C5orf15: variants seen among roughly 807,000 people sequenced by gnomAD.
C5orf15 encodes chromosome 5 open reading frame 15.
Under a neutral mutation model 17.8 loss-of-function variants are expected in C5orf15, and 10 were observed. The observed-to-expected ratio is 0.56, with a 90% CI of 0.35 to 0.95. C5orf15 has a LOEUF of 0.95. Ranked by LOEUF, C5orf15 falls within the 40% of genes least tolerant of loss-of-function variation. C5orf15 has a pLI of 0.02. For missense variants in C5orf15, 319 were observed against 331.7 expected (o/e 0.96, Z 0.30); for synonymous variants, 124 against 131.0 (o/e 0.95, Z 0.36).
In C5orf15 at chr5:133,962,036, T is replaced by C. The variant is rs187083266; in HGVS notation, c.140-2016A>G. ...TTTTGCATTTATCACTTCAACTTAG[T>C]TATAATTCAAGAATTTAAAAATTAT... On this transcript the variant is annotated intron_variant, in intron 1 of 2. Transcript: ENST00000231512. 2.2e-3 allele frequency among the ~76,000 whole-genome samples: 339 copies of C among 152,320 alleles called. 1 individual carries two copies. The highest frequency in any genetic ancestry group is 3.3e-3 in the Non-Finnish European group (223 of 68,038).
chr5:133,968,409 C>A, intron 1 of C5orf15, 37 bp downstream of exon 1: 1 of 1,592,960 alleles, frequency 6.3e-7, no homozygotes, highest in East Asian at 2.3e-5. Flanking sequence ...CCGAGCCCTC[C>A]TAGCCTTCCT....
Position 133,956,789 on chromosome 5 carries a change from A to C in C5orf15, c.*70T>G. The C allele has an allele frequency of 1.3e-6, 2 of 1,486,814 alleles. No individual in the cohort carries two copies. The allele number at this position is 1,486,814 out of a possible 1,614,324, so 92.1% of individuals were successfully genotyped here. Reference sequence around the variant, plus strand: ...ATTTAAGTACCAATTGCCTATGGCAAACATTTGCACAATATCATATAAAAA... The same window carrying C: ...ATTTAAGTACCAATTGCCTATGGCACACATTTGCACAATATCATATAAAAA... On this transcript the variant is annotated 3_prime_UTR_variant, in exon 3 of 3. Transcript: ENST00000231512.
At chr5:133,957,782 A>T (rs973657301) in intron 2 of C5orf15, among the ~76,000 whole-genome samples, 21 of 152,252 alleles carry the variant, frequency 1.4e-4, no homozygotes, top group African/African-American at 5.1e-4. Flanking sequence ...AGGTAAGGAA[A>T]TCAAGGCCCC....
rs757862773 is a variant in C5orf15 at position 133,959,853 on chromosome 5, C to A, written c.307G>T (p.Val103Phe). The A allele has an allele frequency of 7.4e-6, 12 of 1,614,048 alleles. No homozygotes were observed. In the South Asian group the frequency reaches 1.3e-4, roughly 18 times the overall value. ...AGAGGAGTAGGCGAGGGATGAGGGA[C>A]CACAGATGCTCCTCCACTTTTCTTG... ...STKKSGGASV[V>F]PHPSPTPLSQ... Residue 103 changes from valine to phenylalanine, a missense_variant, in exon 2 of 3, where the codon GTC (valine) becomes TTC (phenylalanine). Val to Phe is a conservative substitution (Grantham distance 50). Transcript: ENST00000231512.
chr5:133,964,172 G>C (rs10078428), intron 1 of C5orf15, among the ~76,000 whole-genome samples: 11 of 152,104 alleles, frequency 7.2e-5, no homozygotes, highest in Non-Finnish European at 1.6e-4. Flanking sequence ...AGCCGAGATC[G>C]TGCCATTGCA....
At position 133,956,664 on chromosome 5, in the gene C5orf15, C is replaced by G. The variant is rs1752045994; in HGVS notation, c.*195G>C. The G allele has an allele frequency of 2.6e-6, 1 of 386,344 alleles. No individual in the cohort carries two copies. Among genetic ancestry groups the G allele is most frequent in the Non-Finnish European group, 4.5e-6 (1 of 222,882 alleles). 23.9% of individuals were successfully genotyped at this position (386,344 alleles called of 1,614,324 possible). ...TAATGTTTAACTCACATTTTGGACA[C>G]CTGATTAAACTCAGCTCTAAAAGTA... On this transcript the variant is annotated 3_prime_UTR_variant, in exon 3 of 3. Transcript: ENST00000231512.
chr5:133,963,862 G>C (rs754695013), intron 1 of C5orf15, among the ~76,000 whole-genome samples: 5 of 152,076 alleles, frequency 3.3e-5, no homozygotes, highest in Non-Finnish European at 5.9e-5. Flanking sequence ...AAACAATCAG[G>C]CATCCTTCAA....
Position 133,959,532 on chromosome 5 carries a change from T to C in C5orf15, c.628A>G (p.Ile210Val). The change falls in exon 2 of 3, where the codon ATT becomes GTT. Residue 210 changes from isoleucine to valine, a missense_variant. Around this residue, in one of 3 missense-constraint regions of C5orf15, gnomAD observed 175 missense variants for 192.4 expected, o/e 0.91. Transcript: ENST00000231512. ...TGATATGTAATGTAAACAACAGCAA[T>C]GCAAAAAGCAAAAATAATAAGATGA... ...FFHLIIFAFC[I>V]AVVYITYHNK... is the part of the protein sequence containing the mutation. The C allele has an allele frequency of 6.3e-7, 1 of 1,588,400 alleles. No homozygotes were observed. The highest frequency in any genetic ancestry group is 8.6e-7 in the Non-Finnish European group (1 of 1,169,438).
At chr5:133,960,502 C>T (rs1413936618) in intron 1 of C5orf15, among the ~76,000 whole-genome samples, 3 of 152,042 alleles carry the variant, frequency 2.0e-5, no homozygotes, top group Non-Finnish European at 4.4e-5. Context: ...CACAACATAA[C>T]AAATTCAGGG....
Position 133,968,575 on chromosome 5 carries a change from C to T in C5orf15, c.10G>A (p.Ala4Thr), listed in dbSNP as rs367763605. The T allele has an allele frequency of 3.7e-5, 60 of 1,609,274 alleles. No homozygotes were observed. The East Asian group carries it at 5.6e-4, about 15-fold the overall frequency. ...GGCCCCCTCATCCTCTTCGGGACGG[C>T]AGCGGCCATAACGGACTCGGCTGGG... Reference protein sequence around the residue: MAAAVPKRMRGPAQ... With the variant: MAATVPKRMRGPAQ... Residue 4 changes from alanine to threonine, a missense_variant, in exon 1 of 3, where the codon GCC (alanine) becomes ACC (threonine). Physicochemically the swap from Ala to Thr is moderately conservative, Grantham distance 58 (BLOSUM62 0). Around this residue, in one of 3 missense-constraint regions of C5orf15, gnomAD observed 127 missense variants for 95.6 expected, o/e 1.33. Transcript: ENST00000231512.
chr5:133,959,605 A>G lies in C5orf15; in HGVS notation c.555T>C (p.Phe185=). 1 of 1,612,484 alleles carries G rather than the reference A, an allele frequency of 6.2e-7. No homozygotes were observed. The highest frequency in any genetic ancestry group is 1.1e-5 in the South Asian group (1 of 90,548). ...YMEIEQSVKS[F]KMPSSNIEEE... ...CTTCTATATTTGAGGATGGCATCTT[A>G]AAAGATTTCACTGACTGTTCAATTT... The change falls in exon 2 of 3, where the codon TTT becomes TTC. Residue 185 remains phenylalanine, a synonymous_variant. Transcript: ENST00000231512.
rs200947594 is a variant in C5orf15 at position 133,968,569 on chromosome 5, G to A, written c.16C>T (p.Pro6Ser). 20 of 1,609,254 alleles carry A rather than the reference G, an allele frequency of 1.2e-5. No homozygotes were observed. Among genetic ancestry groups the A allele is most frequent in the Non-Finnish European group, 1.6e-5 (19 of 1,178,462 alleles). MAAAV[P>S]KRMRGPAQAK... ...TGTGCTGGCCCCCTCATCCTCTTCG[G>A]GACGGCAGCGGCCATAACGGACTCG... The change falls in exon 1 of 3, where the codon CCG becomes TCG. Residue 6 changes from proline to serine, a missense_variant. By Grantham distance (74) the Pro-to-Ser change is moderately conservative (BLOSUM62 -1). This residue lies in a region of C5orf15 where 127 missense variants were observed against 95.6 expected (regional missense o/e 1.33). Coordinates refer to ENST00000231512, the MANE Select transcript of C5orf15 (RefSeq NM_020199.3).
At chr5:133,957,129 C>T in intron 2 of C5orf15, 139 bp from the exon 3 acceptor site, 1 of 704,274 alleles carries the variant, frequency 1.4e-6, no homozygotes, top group Non-Finnish European at 2.3e-6. Flanking sequence ...CTATTTTAGG[C>T]CGAGGCAGGC....
At chr5:133,964,503 T>C (rs1752168308) in intron 1 of C5orf15, among the ~76,000 whole-genome samples, 1 of 152,168 alleles carries the variant, frequency 6.6e-6, no homozygotes. Flanking sequence ...TGTACCAATG[T>C]TAATATCCTG....
chr5:133,964,006 CAGG>C (rs1752159761), intron 1 of C5orf15, among the ~76,000 whole-genome samples: 1 of 152,178 alleles, frequency 6.6e-6, no homozygotes, highest in African/African-American at 2.4e-5. Flanking sequence ...ATCACAAGGT[CAGG>C]AGTTCGAGAC....
Position 133,959,670 on chromosome 5 carries a change from C to T in C5orf15, c.490G>A (p.Glu164Lys), listed in dbSNP as rs775456361. The change falls in exon 2 of 3, where the codon GAG becomes AAG. Residue 164 changes from glutamate to lysine, a missense_variant. By Grantham distance (56) the Glu-to-Lys change is moderately conservative (BLOSUM62 1). Around this residue, in one of 3 missense-constraint regions of C5orf15, gnomAD observed 175 missense variants for 192.4 expected, o/e 0.91. Transcript: ENST00000231512. ...DWTTGPRDDD[E>K]SDDTLEENRG... ...TTTTCTTCCAAGGTGTCATCAGACT[C>T]GTCGTCGTCCCTGGGGCCCGTGGTC... 3.7e-6 allele frequency: 6 copies of T among 1,613,264 alleles called. No individual in the cohort carries two copies. Among genetic ancestry groups the T allele is most frequent in the African/African-American group, 1.3e-5 (1 of 74,854 alleles).
In C5orf15 at chr5:133,961,232, T is replaced by TG. The variant is rs1450707193; in HGVS notation, c.140-1213_140-1212insC. Among the ~76,000 whole-genome samples the TG allele has an allele frequency of 3.6e-4, 11 of 30,438 alleles. No individual in the cohort carries two copies. The Admixed American group carries it at 5.4e-3, about 15-fold the overall frequency. The allele number at this position is 30,438 out of a possible 152,430, so 20.0% of individuals were successfully genotyped here. On this transcript the variant is annotated intron_variant, in intron 1 of 2. Transcript: ENST00000231512. ...TCAGAAAAATAATGTAGTCAGTTAG[T>TG]AAAAAAAAAAAAAAAAAAAAAAAAA...
At chr5:133,965,887 T>A (rs1580700065) in intron 1 of C5orf15, among the ~76,000 whole-genome samples, 1 of 152,176 alleles carries the variant, frequency 6.6e-6, no homozygotes, top group Non-Finnish European at 1.5e-5. Context: ...TTTGTGCTAC[T>A]GCACTCCAGC....
At chr5:133,959,404 CAAAAAAAAAAAAAAA>C (rs397999300) in intron 2 of C5orf15, 75 bp downstream of exon 2, 18 of 124,566 alleles carry the variant, frequency 1.4e-4, no homozygotes, top group Admixed American at 1.3e-3. Context: ...CTTTTTTTTG[CAAAAAAAAAAAAAAA>C]AAAAAAAAAG....
Sources: gnomAD v4.1 joint callset for allele counts (sites outside exome capture counted in the v4.1 genomes callset) on GRCh38, gnomAD v4.1.1 for gene constraint, gnomAD v4.1.1 regional missense constraint, MANE v1.5 for transcripts, NCBI Gene and HGNC (gene_info 2026-07-23, HGNC 2026-07-21) for gene names.